MDN1: variants seen among roughly 807,000 people sequenced by gnomAD.
MDN1 encodes midasin AAA ATPase 1.
In MDN1, 266 loss-of-function variants were observed where a neutral mutation model predicts 669.2. That is an observed-to-expected ratio of 0.40 (90% CI 0.36 to 0.44). The LOEUF is 0.44. Ranked by LOEUF, MDN1 falls within the 20% of genes least tolerant of loss-of-function variation. MDN1 has a pLI of 1.00. For synonymous variants in MDN1, 2,385 were observed against 2,457.1 expected (o/e 0.97, Z 0.87); for missense variants, 5,940 against 6,754.0 (o/e 0.88, Z 4.22).
chr6:89,650,334 T>A, intron 96 of MDN1, 136 bp from the exon 97 acceptor site: 7 of 813,052 alleles, frequency 8.6e-6, no homozygotes, highest in Non-Finnish European at 1.3e-5. Context: ...AGTGTTTCTG[T>A]CAATTGACGA....
chr6:89,765,753 A>C (rs1200059192), intron 15 of MDN1, among the ~76,000 whole-genome samples: 1 of 152,224 alleles, frequency 6.6e-6, no homozygotes, highest in Non-Finnish European at 1.5e-5. Context: ...TAAGTGACTT[A>C]TCTCTCTTTG....
chr6:89,729,138 T>G lies in MDN1; in HGVS notation c.5142A>C (p.Gly1714=). 6.2e-7 allele frequency: 1 copy of G among 1,610,616 alleles called. No homozygotes were observed. Residue 1714 remains glycine, a splice_region_variant and synonymous_variant, in exon 36 of 102, where the codon GGA becomes GGC. Transcript: ENST00000369393. ...WGIHPFFIPR[G]PVLHRNNIAD... is the part of the protein sequence containing the mutation. Reference sequence around the variant, plus strand: ...CAATATTATTCCTGTGTAGGACAGGTCCTTAAGTGGAGAAAAGTAAAGTCA... The same window carrying G: ...CAATATTATTCCTGTGTAGGACAGGGCCTTAAGTGGAGAAAAGTAAAGTCA...
In MDN1 at chr6:89,655,858, C is replaced by T. The variant is rs377465597; in HGVS notation, c.15396G>A (p.Gln5132=). The T allele has an allele frequency of 2.3e-5, 37 of 1,614,022 alleles. No individual in the cohort carries two copies. Among genetic ancestry groups the T allele is most frequent in the East Asian group, 6.7e-5 (3 of 44,890 alleles). The change falls in exon 92 of 102, where the codon CAG becomes CAA. Residue 5132 remains glutamine, a synonymous_variant. Coordinates refer to ENST00000369393, the MANE Select transcript of MDN1 (RefSeq NM_014611.3). ...RTVDTDSHAE[Q]GPAQQPQAQV... ...GGGCCTGGGGCTGCTGAGCTGGCCC[C>T]TGCTCGGCATGGCTGTCCGTATCCA... is the stretch of plus-strand genomic sequence containing the variant.
Position 89,712,732 on chromosome 6 carries a change from A to G in MDN1, c.7273T>C (p.Trp2425Arg). The change falls in exon 48 of 102, where the codon TGG (tryptophan) becomes CGG (arginine). Residue 2425 changes from tryptophan to arginine, a missense_variant. By Grantham distance (101) the Trp-to-Arg change is moderately radical. Coordinates refer to ENST00000369393, the MANE Select transcript of MDN1 (RefSeq NM_014611.3). ...HVSSLRAHETWGDSILGMGLW... is the reference protein window; with the variant it reads ...HVSSLRAHETRGDSILGMGLW... ...CCCATGCCAAGAATGGAGTCTCCCC[A>G]GGTTTCATGTGCTCGCAAAGAAGAA... 2 of 1,614,220 alleles carry G rather than the reference A, an allele frequency of 1.2e-6. No homozygotes were observed. The highest frequency in any genetic ancestry group is 1.7e-6 in the Non-Finnish European group (2 of 1,180,024).
rs763432482 is a variant in MDN1 at position 89,683,247 on chromosome 6, T to G, written c.11987A>C (p.Glu3996Ala). ...RSSLVESDKEEQPDFLPRPTD... is the reference protein window; with the variant it reads ...RSSLVESDKEAQPDFLPRPTD... Reference sequence around the variant, plus strand: ...TGGCCTGGGCAAAAAGTCAGGCTGTTCTTCCTTGTCACTCTCCACCAGGGA... The same window carrying G: ...TGGCCTGGGCAAAAAGTCAGGCTGTGCTTCCTTGTCACTCTCCACCAGGGA... The change falls in exon 73 of 102, where the codon GAA (glutamate) becomes GCA (alanine). Residue 3996 changes from glutamate to alanine, a missense_variant. Physicochemically the swap from Glu to Ala is moderately radical, Grantham distance 107. This residue lies in a region of MDN1 where 2,280 missense variants were observed against 2,576.3 expected (regional missense o/e 0.88). Coordinates refer to ENST00000369393, the MANE Select transcript of MDN1 (RefSeq NM_014611.3). 2.5e-5 allele frequency: 40 copies of G among 1,614,080 alleles called. 1 individual carries two copies. In the Admixed American group the frequency reaches 6.7e-4, roughly 27 times the overall value.
chr6:89,696,209 T>G (rs940297276), intron 60 of MDN1, 151 bp downstream of exon 60: 68 of 1,064,688 alleles, frequency 6.4e-5, no homozygotes, highest in African/African-American at 3.2e-5. Context: ...CAGCTCACGG[T>G]AGCCTGAAAA....
At chr6:89,753,395 T>C in intron 22 of MDN1, 117 bp downstream of exon 22, 1 of 736,012 alleles carries the variant, frequency 1.4e-6, no homozygotes, top group Non-Finnish European at 2.3e-6. Context: ...TTAAACTTTT[T>C]GCAACAGATT....
chr6:89,713,971 G>T (rs983159679), intron 46 of MDN1, among the ~76,000 whole-genome samples: 2 of 151,526 alleles, frequency 1.3e-5, no homozygotes, highest in Non-Finnish European at 2.9e-5. Context: ...CCTGGGAGGC[G>T]GAGCTTGCAG....
chr6:89,680,595 A>G lies in MDN1; in HGVS notation c.12259T>C (p.Phe4087Leu). The G allele has an allele frequency of 1.9e-6, 3 of 1,614,022 alleles. No homozygotes were observed. Among genetic ancestry groups the G allele is most frequent in the Non-Finnish European group, 2.5e-6 (3 of 1,179,970 alleles). The change falls in exon 74 of 102, where the codon TTC becomes CTC. Residue 4087 changes from phenylalanine to leucine, a missense_variant. By Grantham distance (22) the Phe-to-Leu change is conservative. Coordinates refer to ENST00000369393, the MANE Select transcript of MDN1 (RefSeq NM_014611.3). ...CTTGGATGCTGGCACCCACCTGTGAACTGATCAAGGCCCTCCACAAGGCGA... is the reference window on the plus strand; with the variant it reads ...CTTGGATGCTGGCACCCACCTGTGAGCTGATCAAGGCCCTCCACAAGGCGA... ...LPRLVEGLDQ[F>L]TGEVISSVSE...
At chr6:89,648,423 C>T (rs1403453695) in intron 97 of MDN1, 94 bp from the exon 98 acceptor site, 1 of 1,245,934 alleles carries the variant, frequency 8.0e-7, no homozygotes, top group African/African-American at 1.5e-5. Context: ...CCAAAGAAAA[C>T]ATTTTTTTGT....
intron 56 of MDN1, 151 bp from the exon 57 acceptor site, chr6:89,700,445 T>C (rs1244213661): frequency 1.3e-6 from 1 of 767,484 alleles, no homozygotes; most frequent in South Asian, 1.8e-5. Flanking sequence ...ATCTGTGAAA[T>C]GATATTAATA....
At chr6:89,745,185 T>A in intron 29 of MDN1, 88 bp downstream of exon 29, 1 of 1,306,250 alleles carries the variant, frequency 7.7e-7, no homozygotes, top group Non-Finnish European at 1.0e-6. Context: ...AAGGGGGGAT[T>A]AATACTTTCA....
intron 50 of MDN1, among the ~76,000 whole-genome samples, chr6:89,709,882 T>A (rs990583152): frequency 6.6e-6 from 1 of 152,186 alleles, no homozygotes; most frequent in African/African-American, 2.4e-5. Flanking sequence ...GTTATCACTA[T>A]GGTTTTATAA....
chr6:89,707,241 C>G lies in MDN1; in HGVS notation c.8014+120G>C, dbSNP rs1333964183. ...TTGAGTAAGGGGACATGTTTAAAAT[C>G]AGGCCAGCAGATTAAAAGAAACCAG... is the stretch of plus-strand genomic sequence containing the variant. On this transcript the variant is annotated intron_variant, in intron 52 of 101. Transcript: ENST00000369393. 4 of 684,904 alleles carry G rather than the reference C, an allele frequency of 5.8e-6. No homozygotes were observed. The East Asian group carries it at 8.1e-5, about 14-fold the overall frequency. The allele number at this position is 684,904 out of a possible 1,614,324, so 42.4% of individuals were successfully genotyped here.
chr6:89,813,004 G>A (rs557013297), intron 1 of MDN1, among the ~76,000 whole-genome samples: 5 of 151,772 alleles, frequency 3.3e-5, no homozygotes, highest in African/African-American at 4.8e-5. Flanking sequence ...GCAATGGCGC[G>A]ATCTCGGCTC....
chr6:89,710,818 G>GT, intron 49 of MDN1, 24 bp from the exon 50 acceptor site: 1 of 1,404,648 alleles, frequency 7.1e-7, no homozygotes, highest in Non-Finnish European at 1.0e-6. Flanking sequence ...AGAAACCAGT[G>GT]TTAGACTCTA....
intron 9 of MDN1, among the ~76,000 whole-genome samples, chr6:89,782,099 T>G (rs1488779874): frequency 7.9e-5 from 12 of 152,214 alleles, no homozygotes; most frequent in Non-Finnish European, 2.9e-5. Context: ...CATGATGATT[T>G]TCTTCCTACC....
Position 89,653,138 on chromosome 6 carries a change from C to A in MDN1, c.15679G>T (p.Val5227Leu). Reference sequence around the variant, plus strand: ...TCTGTTTTAACAGTTTGGATCTCCACTTCCATCTCATCAAAGCCTATTTTC... The same window carrying A: ...TCTGTTTTAACAGTTTGGATCTCCAATTCCATCTCATCAAAGCCTATTTTC... ...TAPLGFDEME[V>L]EIQTVKTEED... The change falls in exon 94 of 102, where the codon GTG becomes TTG. Residue 5227 changes from valine (V) to leucine (L), a missense_variant. Physicochemically the swap from Val to Leu is conservative, Grantham distance 32. Transcript: ENST00000369393. The A allele has an allele frequency of 6.2e-7, 1 of 1,611,988 alleles. No individual in the cohort carries two copies.
intron 1 of MDN1, among the ~76,000 whole-genome samples, chr6:89,812,544 G>A (rs757688622): frequency 1.2e-4 from 18 of 152,220 alleles, no homozygotes; most frequent in Non-Finnish European, 2.4e-4. Flanking sequence ...TTGTATGTCT[G>A]TATGCTTAAC....
Sources: allele counts gnomAD v4.1 joint callset (sites outside exome capture counted in the v4.1 genomes callset), GRCh38; gene constraint gnomAD v4.1.1; regional missense constraint gnomAD v4.1.1; transcripts MANE v1.5; gene names NCBI Gene and HGNC (gene_info 2026-07-23, HGNC 2026-07-21).